The following HIPK2 variants were observed in gnomAD, a reference collection of about 807,000 sequenced individuals.
HIPK2 encodes homeodomain interacting protein kinase 2.
In HIPK2, 27 loss-of-function variants were observed where a neutral mutation model predicts 113.7. That is an observed-to-expected ratio of 0.24 (90% confidence interval 0.17 to 0.33). HIPK2 has a LOEUF of 0.33. Among genes scored for constraint, HIPK2 ranks in the 10% least tolerant of loss-of-function variants. The pLI, the probability that HIPK2 is intolerant of heterozygous loss-of-function variation, is 1.00. For synonymous variants in HIPK2, 631 were observed against 642.2 expected (o/e 0.98, Z 0.26); for missense variants, 1,257 against 1,588.0 (o/e 0.79, Z 3.54).
chr7:139,584,782 AG>A (rs373195601), intron 12 of HIPK2, among the ~76,000 whole-genome samples: 59 of 152,304 alleles, frequency 3.9e-4, no homozygotes, highest in African/African-American at 1.3e-3. Flanking sequence ...GCCTGGGCCA[AG>A]GGATCGGGGG....
chr7:139,610,627 C>A (rs553246302), intron 9 of HIPK2, among the ~76,000 whole-genome samples: 2,631 of 152,322 alleles, frequency 0.017, 78 homozygotes, highest in African/African-American at 0.059. Flanking sequence ...TGCACAGTGT[C>A]ATTCTGGACC....
intron 13 of HIPK2, among the ~76,000 whole-genome samples, chr7:139,580,284 T>C (rs1798626033): frequency 6.6e-6 from 1 of 152,084 alleles, no homozygotes; most frequent in African/African-American, 2.4e-5. Flanking sequence ...GTGAAGGGGT[T>C]AGGGAATGTT....
chr7:139,730,944 T>C (rs1795759667), intron 1 of HIPK2, among the ~76,000 whole-genome samples: 1 of 152,136 alleles, frequency 6.6e-6, no homozygotes, highest in African/African-American at 2.4e-5. Context: ...ATGCCCAGCA[T>C]TGTTGGGAGC....
At chr7:139,587,697 A>G (rs1333117151) in intron 12 of HIPK2, among the ~76,000 whole-genome samples, 3 of 151,734 alleles carry the variant, frequency 2.0e-5, no homozygotes, top group African/African-American at 7.3e-5. Context: ...TGGGCAACAC[A>G]GTGAGATCCC....
chr7:139,698,486 G>A (rs1442081140), intron 2 of HIPK2, among the ~76,000 whole-genome samples: 1 of 152,178 alleles, frequency 6.6e-6, no homozygotes, highest in Non-Finnish European at 1.5e-5. Flanking sequence ...GAATGGAATT[G>A]CAGCAATCAT....
At chr7:139,750,534 GT>G (rs1796262544) in intron 1 of HIPK2, among the ~76,000 whole-genome samples, 1 of 152,226 alleles carries the variant, frequency 6.6e-6, no homozygotes, top group Non-Finnish European at 1.5e-5. Flanking sequence ...AGTCTTGAAG[GT>G]TGTCTGATAG....
chr7:139,617,167 A>G (rs576007515), intron 7 of HIPK2, among the ~76,000 whole-genome samples: 9 of 152,352 alleles, frequency 5.9e-5, no homozygotes, highest in African/African-American at 2.2e-4. Context: ...ATCACTTGCC[A>G]GAGAGGAGCA....
At chr7:139,745,987 A>C (rs974362117) in intron 1 of HIPK2, among the ~76,000 whole-genome samples, 1 of 152,214 alleles carries the variant, frequency 6.6e-6, no homozygotes, top group East Asian at 1.9e-4. Context: ...TTATTAAAGC[A>C]AAGCTCGAGC....
chr7:139,600,657 T>A (rs568766667), intron 10 of HIPK2, 61 bp from the exon 11 acceptor site: 2 of 1,554,156 alleles, frequency 1.3e-6, no homozygotes, highest in Non-Finnish European at 1.8e-6. Flanking sequence ...AGCTCCTCTA[T>A]AAGATCAAGC....
chr7:139,689,718 T>C (rs535392873), intron 2 of HIPK2, among the ~76,000 whole-genome samples: 1 of 152,194 alleles, frequency 6.6e-6, no homozygotes, highest in Admixed American at 6.5e-5. Context: ...TGGCCCTACA[T>C]GTAATCGTGT....
At position 139,583,976 on chromosome 7, in the gene HIPK2, A is replaced by C; in HGVS notation, c.2806T>G (p.Tyr936Asp). Reference protein sequence around the residue: ...YSDSSSNTSPYSVQQRAGHNN... With the variant: ...YSDSSSNTSPDSVQQRAGHNN... ...TGCCCAGCACGCTGCTGCACGGAGTAGGGGCTGGTGTTGCTGGAGGAGTCG... is the reference window on the plus strand; with the variant it reads ...TGCCCAGCACGCTGCTGCACGGAGTCGGGGCTGGTGTTGCTGGAGGAGTCG... The change falls in exon 13 of 15, where the codon TAC becomes GAC. Residue 936 changes from tyrosine (Y) to aspartate (D), a missense_variant. By Grantham distance (160) the Tyr-to-Asp change is radical. Coordinates refer to ENST00000406875, the MANE Select transcript of HIPK2 (RefSeq NM_022740.5). The C allele has an allele frequency of 6.2e-7, 1 of 1,614,032 alleles. No individual in the cohort carries two copies. The highest frequency in any genetic ancestry group is 8.5e-7 in the Non-Finnish European group (1 of 1,179,870).
At chr7:139,626,274 TGTATTTTTA>T (rs1800425490) in intron 6 of HIPK2, among the ~76,000 whole-genome samples, 1 of 152,098 alleles carries the variant, frequency 6.6e-6, no homozygotes, top group South Asian at 2.1e-4. Context: ...AGCTGATTTT[TGTATTTTTA>T]GTAGAGACAG....
In HIPK2 at chr7:139,600,475, G is replaced by A. The variant is rs762701723; in HGVS notation, c.2377C>T (p.Gln793Ter). 2 of 1,614,012 alleles carry A rather than the reference G, an allele frequency of 1.2e-6. No homozygotes were observed. Among genetic ancestry groups the A allele is most frequent in the Non-Finnish European group, 1.7e-6 (2 of 1,179,902 alleles). The change falls in exon 11 of 15, where the codon CAG (glutamine) becomes TAG (stop). Residue 793 changes from glutamine (Q) to a stop codon, truncating the protein, a stop_gained. Coordinates refer to ENST00000406875, the MANE Select transcript of HIPK2 (RefSeq NM_022740.5). LOFTEE classifies it high-confidence loss of function. ...LNVGVAHVMR[Q>*]QPTSTTSSRK... Reference sequence around the variant, plus strand: ...GAGGAGGTGGTGCTGGTTGGCTGCTGCCGCATCACGTGGGCCACACCCACA... The same window carrying A: ...GAGGAGGTGGTGCTGGTTGGCTGCTACCGCATCACGTGGGCCACACCCACA...
At chr7:139,633,582 T>A (rs1339563097) in intron 2 of HIPK2, among the ~76,000 whole-genome samples, 1 of 150,138 alleles carries the variant, frequency 6.7e-6, no homozygotes, top group Non-Finnish European at 1.5e-5. Flanking sequence ...GAGGGTGAGA[T>A]GGGAGGATCA....
At chr7:139,574,206 T>G (rs1383831205) in intron 14 of HIPK2, among the ~76,000 whole-genome samples, 1 of 152,024 alleles carries the variant, frequency 6.6e-6, no homozygotes, top group Non-Finnish European at 1.5e-5. Context: ...TCACAACATC[T>G]CTACAAAAAA....
intron 1 of HIPK2, among the ~76,000 whole-genome samples, chr7:139,744,216 C>T (rs546611040): frequency 3.9e-5 from 6 of 152,274 alleles, no homozygotes; most frequent in African/African-American, 1.2e-4. Flanking sequence ...ATATTCCTAC[C>T]GTGAAACACT....
chr7:139,610,985 C>A (rs563599888), intron 9 of HIPK2, among the ~76,000 whole-genome samples: 1 of 152,242 alleles, frequency 6.6e-6, no homozygotes, highest in Non-Finnish European at 1.5e-5. Context: ...CAATTCGTTG[C>A]AAGATCCAAT....
Position 139,566,340 on chromosome 7 carries a change from T to G in HIPK2, c.*6587A>C, listed in dbSNP as rs1270504031. On this transcript the variant is annotated 3_prime_UTR_variant, in exon 15 of 15. Coordinates refer to ENST00000406875, the MANE Select transcript of HIPK2 (RefSeq NM_022740.5). The surrounding 1 kb of genome is among the most constrained non-coding windows in gnomAD (Gnocchi z 4.1). ...CAAGAGTTGTGTGGCTCTGGGCAGT[T>G]TCCTTGGCTGTAGGGGGACTAATAT... The G allele has an allele frequency of 6.6e-6, 1 of 152,218 alleles. No homozygotes were observed. Among genetic ancestry groups the G allele is most frequent in the Non-Finnish European group, 1.5e-5 (1 of 68,064 alleles). The allele number at this position is 152,218 out of a possible 1,614,324, so 9.4% of individuals were successfully genotyped here.
At chr7:139,691,899 G>GA (rs1273741320) in intron 2 of HIPK2, among the ~76,000 whole-genome samples, 22 of 152,186 alleles carry the variant, frequency 1.4e-4, no homozygotes, top group Admixed American at 1.4e-3. Flanking sequence ...CGTGGCCTAT[G>GA]AAAAAAATCC....
Sources: gnomAD v4.1 joint callset for allele counts (sites outside exome capture counted in the v4.1 genomes callset) on GRCh38, gnomAD v4.1.1 for gene constraint, Gnocchi (gnomAD v3.1) non-coding constraint, MANE v1.5 for transcripts, NCBI Gene and HGNC (gene_info 2026-07-23, HGNC 2026-07-21) for gene names.